The following NELL1 variants were observed in gnomAD, a reference collection of about 807,000 sequenced individuals.
The protein encoded by NELL1 is protein kinase C-binding protein NELL1.
NELL1 carries 76 observed loss-of-function variants against 107.4 expected under a neutral mutation model. The observed-to-expected ratio is 0.71, with a 90% CI of 0.59 to 0.86. NELL1 has a LOEUF of 0.86. NELL1 is among the 40% of genes least tolerant of loss of function. The pLI is 0.00. For synonymous variants in NELL1, 353 were observed against 341.2 expected (o/e 1.03, Z -0.38); for missense variants, 1,024 against 1,005.5 (o/e 1.02, Z -0.25).
chr11:21,208,834 G>A (rs1174822686), intron 13 of NELL1, among the ~76,000 whole-genome samples: 2 of 152,158 alleles, frequency 1.3e-5, no homozygotes, highest in Non-Finnish European at 2.9e-5. Flanking sequence ...TTTACAGCCA[G>A]AGTGGGGGTA....
At position 21,181,043 on chromosome 11, in the gene NELL1, G is replaced by A. The variant is rs116104416; in HGVS notation, c.1427-48289G>A. On this transcript the variant is annotated intron_variant, in intron 13 of 19. Transcript: ENST00000357134. ...GAAGTGCCTATACTTCCCCATTAAA[G>A]TTCACATTTCTTTGGTGAACTGGAT... Among the ~76,000 whole-genome samples, 1,265 of 151,796 alleles carry A rather than the reference G, an allele frequency of 8.3e-3. 42 individuals carry two copies. Among genetic ancestry groups the A allele is most frequent in the African/African-American group, 0.029 (1,211 of 41,144 alleles).
rs117163830 is a variant in NELL1 at position 21,059,355 on chromosome 11, C to T, written c.1301-54234C>T. On this transcript the variant is annotated intron_variant, in intron 12 of 19. Coordinates refer to ENST00000357134, the MANE Select transcript of NELL1 (RefSeq NM_006157.5). ...GTGAACATTTGCTGCCTTTGCTGAC[C>T]GGAACCTTGGGATTTTTCCAGCTGC... 0.011 allele frequency among the ~76,000 whole-genome samples: 1,673 copies of T among 151,632 alleles called. 66 individuals carry two copies. The South Asian group carries it at 0.13, about 12-fold the overall frequency.
chr11:21,064,503 T>A (rs1487822063), intron 12 of NELL1, among the ~76,000 whole-genome samples: 1 of 152,116 alleles, frequency 6.6e-6, no homozygotes, highest in Non-Finnish European at 1.5e-5. Context: ...AGGGGTTGAG[T>A]AGTCCAAGGT....
intron 15 of NELL1, among the ~76,000 whole-genome samples, chr11:21,453,947 CT>C (rs1290599565): frequency 7.8e-5 from 10 of 128,790 alleles, no homozygotes; most frequent in Non-Finnish European, 1.5e-4. Context: ...CTTTACTTTA[CT>C]TTAAGTTTTA....
rs146300490 is a variant in NELL1 at position 21,523,602 on chromosome 11, C to A, written c.1646-10772C>A. Among the ~76,000 whole-genome samples, 481 of 152,210 alleles carry A rather than the reference C, an allele frequency of 3.2e-3. 2 individuals are homozygous for A. The highest frequency in any genetic ancestry group is 0.01 in the African/African-American group (434 of 41,540). ...CTTTGCTGATTACCTGACTGGTATT[C>A]TCTGCAGAACTTCAAAATTACCTCT... On this transcript the variant is annotated intron_variant, in intron 15 of 19. Coordinates refer to ENST00000357134, the MANE Select transcript of NELL1 (RefSeq NM_006157.5).
intron 14 of NELL1, among the ~76,000 whole-genome samples, chr11:21,343,451 C>A (rs553875851): frequency 6.6e-6 from 1 of 152,050 alleles, no homozygotes; most frequent in East Asian, 1.9e-4. Flanking sequence ...CTCTTGGCAG[C>A]CTTTGGAAAG....
chr11:21,054,650 G>A (rs1853572936), intron 12 of NELL1, among the ~76,000 whole-genome samples: 1 of 151,916 alleles, frequency 6.6e-6, no homozygotes, highest in Non-Finnish European at 1.5e-5. Flanking sequence ...ACAAGCGAGA[G>A]CCCATTTTTG....
intron 9 of NELL1, among the ~76,000 whole-genome samples, chr11:20,933,823 G>T (rs1850666379): frequency 6.6e-6 from 1 of 152,146 alleles, no homozygotes; most frequent in Non-Finnish European, 1.5e-5. Context: ...AAATTGAAGG[G>T]CCAGGTGTCT....
At chr11:21,233,719 A>G (rs72945703) in intron 14 of NELL1, among the ~76,000 whole-genome samples, 2,706 of 152,290 alleles carry the variant, frequency 0.018, 39 homozygotes, top group Non-Finnish European at 0.029. Flanking sequence ...TCAGCAGCAG[A>G]GTGTTTATCT....
chr11:21,282,339 C>G (rs1849015937), intron 14 of NELL1, among the ~76,000 whole-genome samples: 1 of 151,886 alleles, frequency 6.6e-6, no homozygotes, highest in Non-Finnish European at 1.5e-5. Context: ...ACCACCACAC[C>G]TGGCTAATTT....
chr11:20,724,528 C>T (rs1368394307), intron 2 of NELL1, among the ~76,000 whole-genome samples: 1 of 152,176 alleles, frequency 6.6e-6, no homozygotes, highest in Non-Finnish European at 1.5e-5. Context: ...AAAATGCCAC[C>T]AGTCTCTTTG....
intron 4 of NELL1, among the ~76,000 whole-genome samples, chr11:20,862,425 T>C (rs895348184): frequency 1.3e-5 from 2 of 152,154 alleles, no homozygotes; most frequent in African/African-American, 2.4e-5. Flanking sequence ...GAGTGGTACT[T>C]TGTTACAACT....
intron 2 of NELL1, among the ~76,000 whole-genome samples, chr11:20,706,898 G>T (rs1854976404): frequency 6.6e-6 from 1 of 152,088 alleles, no homozygotes; most frequent in Non-Finnish European, 1.5e-5. Flanking sequence ...GGCGTTCTCT[G>T]TATTTCCTGA....
intron 12 of NELL1, among the ~76,000 whole-genome samples, chr11:20,998,820 G>A (rs1455992795): frequency 1.3e-5 from 2 of 152,044 alleles, no homozygotes; most frequent in Admixed American, 1.3e-4. Context: ...ATAATGCCAG[G>A]GATGATGAAA....
intron 2 of NELL1, among the ~76,000 whole-genome samples, chr11:20,745,136 A>G (rs543467870): frequency 6.6e-5 from 10 of 152,274 alleles, no homozygotes; most frequent in East Asian, 5.8e-4. Flanking sequence ...AGAATGTACA[A>G]TTTTGAACGA....
intron 5 of NELL1, among the ~76,000 whole-genome samples, chr11:20,892,331 C>G (rs1025787801): frequency 4.6e-5 from 7 of 152,110 alleles, no homozygotes; most frequent in African/African-American, 1.7e-4. Context: ...AACAAAGAGA[C>G]AATGTACCAG....
intron 3 of NELL1, among the ~76,000 whole-genome samples, chr11:20,818,181 A>G (rs10766727): frequency 0.96 from 145,678 of 152,198 alleles, 70,018 homozygotes; most frequent in East Asian, 1. Flanking sequence ...CTATCAGTGG[A>G]GTGAAGTCCC....
chr11:21,451,185 TAA>T (rs35257979), intron 15 of NELL1, among the ~76,000 whole-genome samples: 1 of 101,626 alleles, frequency 9.8e-6, no homozygotes. Flanking sequence ...AGACTCCGTC[TAA>T]AAAAAAAAAA....
intron 4 of NELL1, among the ~76,000 whole-genome samples, chr11:20,855,241 A>G (rs1848861699): frequency 6.6e-6 from 1 of 151,438 alleles, no homozygotes; most frequent in Non-Finnish European, 1.5e-5. Flanking sequence ...AATGGCAAAG[A>G]GAGATAGAAG....
Sources: gnomAD v4.1 joint callset for allele counts (sites outside exome capture counted in the v4.1 genomes callset) on GRCh38, gnomAD v4.1.1 for gene constraint, MANE v1.5 for transcripts, NCBI Gene and HGNC (gene_info 2026-07-23, HGNC 2026-07-21) for gene names.